The following RIMS1 variants were observed in gnomAD, a reference collection of about 807,000 sequenced individuals.
RIMS1 encodes the protein regulating synaptic membrane exocytosis 1.
A neutral mutation model predicts 214.1 loss-of-function variants in RIMS1; 83 were observed. The ratio of observed to expected loss-of-function variants is 0.39; its 90% CI spans 0.32 to 0.47. RIMS1 has a LOEUF of 0.47. RIMS1 is among the 20% of genes least tolerant of loss of function. The probability of loss-of-function intolerance (pLI) is 0.99; values close to 1 mark genes in which losing one functional copy is unlikely to be tolerated. For missense variants in RIMS1, 2,050 were observed against 2,161.8 expected, an observed-to-expected ratio of 0.95 and a Z score of 1.03; for synonymous variants, 793 against 786.8, an observed-to-expected ratio of 1.01 and a Z score of -0.13.
chr6:72,082,094 C>G (rs532677036), intron 2 of RIMS1, among the ~76,000 whole-genome samples: 4 of 151,956 alleles, frequency 2.6e-5, no homozygotes, highest in Non-Finnish European at 5.9e-5. Flanking sequence ...AAAGAGGAAG[C>G]CTTTTTGGAA....
intron 2 of RIMS1, among the ~76,000 whole-genome samples, chr6:72,019,651 C>T (rs1813951124): frequency 6.6e-6 from 1 of 152,056 alleles, no homozygotes; most frequent in Non-Finnish European, 1.5e-5. Context: ...AATTATTTCA[C>T]CTTGATAATC....
At chr6:72,383,031 TGAG>T (rs1257526914) in intron 29 of RIMS1, among the ~76,000 whole-genome samples, 3 of 152,182 alleles carry the variant, frequency 2.0e-5, no homozygotes, top group African/African-American at 7.2e-5. Context: ...AGAATTATCT[TGAG>T]GAACTGAAAC....
intron 2 of RIMS1, among the ~76,000 whole-genome samples, chr6:72,059,748 C>T (rs916960510): frequency 1.3e-5 from 2 of 152,036 alleles, no homozygotes; most frequent in Non-Finnish European, 2.9e-5. Context: ...GAACTGAATT[C>T]GTCTTTCAGT....
chr6:72,085,257 T>C (rs901820874), intron 2 of RIMS1, among the ~76,000 whole-genome samples: 1 of 152,150 alleles, frequency 6.6e-6, no homozygotes, highest in Non-Finnish European at 1.5e-5. Context: ...ACTGTAGTAA[T>C]TTTCAAAAAT....
intron 24 of RIMS1, among the ~76,000 whole-genome samples, chr6:72,284,676 C>A (rs1411306868): frequency 1.6e-5 from 1 of 64,346 alleles, no homozygotes; most frequent in Non-Finnish European, 3.1e-5. Flanking sequence ...TTAGGTACAA[C>A]ATATTGACAC....
rs1415716414 is a variant in RIMS1, at chr6:72,323,580, A to G, written c.4130+9908A>G. On this transcript the variant is annotated intron_variant, in intron 28 of 33. Coordinates refer to ENST00000521978, the MANE Select transcript of RIMS1 (RefSeq NM_014989.7). ...GAGACAGAAATTGGAGGAGAATATA[A>G]ACAAGTTGAACATGATGAAAAATTC... 3.3e-5 allele frequency among the ~76,000 whole-genome samples: 5 copies of G among 152,042 alleles called. No homozygotes were observed. In the East Asian group the frequency reaches 9.7e-4, roughly 29 times the overall value.
chr6:72,270,719 AGTTT>A (rs2082628494), intron 22 of RIMS1, among the ~76,000 whole-genome samples: 2 of 152,274 alleles, frequency 1.3e-5, no homozygotes, highest in Admixed American at 1.3e-4. Context: ...CTGCTTTACA[AGTTT>A]GTTTGTTGTG....
intron 29 of RIMS1, among the ~76,000 whole-genome samples, chr6:72,382,646 C>T (rs867282830): frequency 1.3e-5 from 2 of 152,200 alleles, no homozygotes; most frequent in South Asian, 2.1e-4. Context: ...AGATAAAAGA[C>T]CCTCCAGTGT....
intron 6 of RIMS1, among the ~76,000 whole-genome samples, chr6:72,209,567 C>A (rs2053476132): frequency 6.6e-6 from 1 of 152,094 alleles, no homozygotes; most frequent in Non-Finnish European, 1.5e-5. Flanking sequence ...TGGGCTATGT[C>A]AGTTGGACTT....
chr6:72,274,439 G>A lies in RIMS1; in HGVS notation c.3482+7G>A, dbSNP rs2085118089. The stretch of plus-strand genomic sequence containing the variant: ...CGTCTCCGGAGAATGACAGGTACTA[G>A]TCAACTCCTCCTCACAGACAAGTGG... On this transcript the variant is annotated splice_region_variant and intron_variant, in intron 23 of 33. Coordinates refer to ENST00000521978, the MANE Select transcript of RIMS1 (RefSeq NM_014989.7). The A allele has an allele frequency of 6.2e-7, 1 of 1,606,950 alleles. No homozygotes were observed. The highest frequency in any genetic ancestry group is 8.5e-7 in the Non-Finnish European group (1 of 1,173,672).
chr6:71,941,278 A>G (rs1786042584), intron 1 of RIMS1, among the ~76,000 whole-genome samples: 1 of 151,088 alleles, frequency 6.6e-6, no homozygotes, highest in African/African-American at 2.4e-5. Flanking sequence ...AAATTTACCC[A>G]CTACTTAAAG....
At chr6:71,930,120 G>A (rs949978790) in intron 1 of RIMS1, among the ~76,000 whole-genome samples, 17 of 151,880 alleles carry the variant, frequency 1.1e-4, no homozygotes, top group African/African-American at 4.1e-4. Context: ...TAAACTAGGT[G>A]GCCTATTGAA....
At chr6:72,221,751 A>G (rs1589481397) in intron 6 of RIMS1, among the ~76,000 whole-genome samples, 2 of 152,036 alleles carry the variant, frequency 1.3e-5, no homozygotes, top group African/African-American at 4.8e-5. Context: ...TATAAAAGAT[A>G]AAATTAAGCT....
intron 1 of RIMS1, among the ~76,000 whole-genome samples, chr6:71,952,301 C>T (rs576161868): frequency 1.2e-4 from 18 of 152,018 alleles, no homozygotes; most frequent in African/African-American, 4.1e-4. Flanking sequence ...TAGTCATTAT[C>T]TATATTGAAA....
In RIMS1 at chr6:72,398,361, G is replaced by C; in HGVS notation, c.4720+11G>C. On this transcript the variant is annotated intron_variant, in intron 32 of 33. Transcript: ENST00000521978. The stretch of plus-strand genomic sequence containing the variant: ...CCAAATCTACACCTGGTAAGGAGAA[G>C]TATTCCTGAATTTGGTGAAGGGACT... 2 of 1,548,248 alleles carry C rather than the reference G, an allele frequency of 1.3e-6. No homozygotes were observed. Among genetic ancestry groups the C allele is most frequent in the Non-Finnish European group, 1.8e-6 (2 of 1,133,602 alleles).
chr6:71,959,970 G>A (rs1000175919), intron 1 of RIMS1, among the ~76,000 whole-genome samples: 1 of 152,054 alleles, frequency 6.6e-6, no homozygotes, highest in East Asian at 1.9e-4. Flanking sequence ...TGTGGGATTC[G>A]GAGCATGGTT....
chr6:72,266,107 C>G (rs1257504290), intron 22 of RIMS1, 58 bp downstream of exon 22: 1 of 1,268,788 alleles, frequency 7.9e-7, no homozygotes, highest in East Asian at 2.5e-5. Flanking sequence ...TTTTTTCAGT[C>G]ACTTTGTTTT....
chr6:72,110,948 G>C (rs1002891580), intron 4 of RIMS1, among the ~76,000 whole-genome samples: 7 of 152,160 alleles, frequency 4.6e-5, no homozygotes, highest in Non-Finnish European at 8.8e-5. Context: ...TGGATATGGT[G>C]TATAAAAGGT....
At chr6:71,996,939 AATC>A (rs1270539240) in intron 2 of RIMS1, among the ~76,000 whole-genome samples, 2 of 152,226 alleles carry the variant, frequency 1.3e-5, no homozygotes, top group East Asian at 3.8e-4. Flanking sequence ...GGTAATAACT[AATC>A]AGATGTAGTA....
Sources: gnomAD v4.1 joint callset for allele counts (sites outside exome capture counted in the v4.1 genomes callset) on GRCh38, gnomAD v4.1.1 for gene constraint, MANE v1.5 for transcripts, NCBI Gene and HGNC (gene_info 2026-07-23, HGNC 2026-07-21) for gene names.